The following ZNF536 variants were observed in gnomAD, a reference collection of about 807,000 sequenced individuals.
ZNF536 encodes zinc finger protein 536.
A neutral mutation model predicts 84.5 loss-of-function variants in ZNF536; 13 were observed. The ratio of observed to expected loss-of-function variants is 0.15; its 90% CI spans 0.10 to 0.24. The LOEUF is 0.24. Ranked by LOEUF, ZNF536 falls within the 10% of genes least tolerant of loss-of-function variation. ZNF536 has a pLI of 1.00. For synonymous variants in ZNF536, 811 were observed against 742.5 expected (o/e 1.09, Z -1.50); for missense variants, 1,536 against 1,747.5 (o/e 0.88, Z 2.16).
At chr19:30,604,244 C>T (rs2047793850) in intron 1 of ZNF536, among the ~76,000 whole-genome samples, 1 of 152,066 alleles carries the variant, frequency 6.6e-6, no homozygotes, top group Non-Finnish European at 1.5e-5. Flanking sequence ...TCTGTGAATA[C>T]ACATGGATGG....
chr19:30,626,363 T>A (rs961732078), intron 1 of ZNF536, among the ~76,000 whole-genome samples: 12 of 152,202 alleles, frequency 7.9e-5, no homozygotes, highest in African/African-American at 2.4e-4. Context: ...GGGGTTATTT[T>A]TTTTTTCTTT....
At chr19:30,654,502 G>T (rs148706263) in intron 1 of ZNF536, among the ~76,000 whole-genome samples, 1 of 151,732 alleles carries the variant, frequency 6.6e-6, no homozygotes, top group Non-Finnish European at 1.5e-5. Context: ...GTCAACATTC[G>T]TGGTTCCTAA....
chr19:30,407,772 G>T (rs1324794554), intron 1 of ZNF536, among the ~76,000 whole-genome samples: 3 of 152,180 alleles, frequency 2.0e-5, no homozygotes, highest in African/African-American at 7.2e-5. Context: ...TGAATTTAAT[G>T]TATTCTTCTG....
downstream of ZNF536, among the ~76,000 whole-genome samples, chr19:30,558,308 G>C (rs769663671): frequency 2.0e-5 from 3 of 152,168 alleles, no homozygotes; most frequent in Non-Finnish European, 2.9e-5. Flanking sequence ...GGGTGGGGGA[G>C]AGCCAGGCGA....
At chr19:30,665,135 G>C (rs937526083) in intron 1 of ZNF536, 3 of 152,264 alleles carry the variant, frequency 2.0e-5, no homozygotes, top group African/African-American at 7.2e-5. Context: ...CCTGAGGTCA[G>C]GACTTCGAAA....
upstream of ZNF536, among the ~76,000 whole-genome samples, chr19:30,371,067 C>T (rs1488472959): frequency 6.6e-6 from 1 of 152,184 alleles, no homozygotes; most frequent in Non-Finnish European, 1.5e-5. Context: ...TATGCATTTG[C>T]TTGGTTCAAG....
chr19:30,549,634 A>G (rs2045698863), intron 4 of ZNF536, 120 bp downstream of exon 4: 4 of 1,155,210 alleles, frequency 3.5e-6, no homozygotes, highest in African/African-American at 1.6e-5. Flanking sequence ...ATTTGAAAAA[A>G]CCCTCAATGC....
rs112144534 is a variant in ZNF536 at position 30,606,291 on chromosome 19, T to TAAAATAAAATAAAATA, written c.169+56780_169+56781insATAAAATAAAATAAAA. ...TAAAATAAAATAAAATAAAATAAAA[T>TAAAATAAAATAAAATA]AAATAAAATAAAATAAAATAAAATA... On this transcript the variant is annotated intron_variant, in intron 1 of 1. Transcript: ENST00000592773. Among the ~76,000 whole-genome samples the TAAAATAAAATAAAATA allele has an allele frequency of 1.4e-4, 8 of 55,740 alleles. No homozygotes were observed. The East Asian group carries it at 3.0e-3, about 21-fold the overall frequency. 36.6% of individuals were successfully genotyped at this position (55,740 alleles called of 152,430 possible).
At chr19:30,410,488 T>A (rs2050439032) in intron 1 of ZNF536, among the ~76,000 whole-genome samples, 4 of 128,136 alleles carry the variant, frequency 3.1e-5, no homozygotes, top group Admixed American at 3.1e-4. Flanking sequence ...TTTTTTTTTT[T>A]TTTTGAGACG....
rs116546012 is a variant in ZNF536 at position 30,417,931 on chromosome 19, T to C, written c.-2-25630T>C. On this transcript the variant is annotated intron_variant, in intron 1 of 4. Transcript: ENST00000355537. ...GCCCAGCAATTTTTTTTTCTATTAG[T>C]AGAGACAAGCTCTTGCTATGTTGCC... 2.4e-3 allele frequency among the ~76,000 whole-genome samples: 365 copies of C among 152,254 alleles called. 1 individual carries two copies. Among genetic ancestry groups the C allele is most frequent in the African/African-American group, 8.4e-3 (347 of 41,552 alleles).
chr19:30,368,938 CTTT>C (rs2048524423), upstream of ZNF536, among the ~76,000 whole-genome samples: 2 of 152,202 alleles, frequency 1.3e-5, no homozygotes, highest in African/African-American at 4.8e-5. Flanking sequence ...AAAACTCATT[CTTT>C]ATACCAGCTT....
intron 2 of ZNF536, among the ~76,000 whole-genome samples, chr19:30,452,697 G>T (rs1040542547): frequency 2.6e-5 from 4 of 152,166 alleles, no homozygotes; most frequent in Non-Finnish European, 5.9e-5. Flanking sequence ...AGCATTGATG[G>T]CAGGGGTGGA....
At chr19:30,443,424 T>C in intron 1 of ZNF536, 137 bp from the exon 2 acceptor site, 1 of 1,296,080 alleles carries the variant, frequency 7.7e-7, no homozygotes, top group Non-Finnish European at 1.0e-6. Context: ...TTTTTTATTA[T>C]TGTTTTTGAC....
At chr19:30,515,373 T>C (rs1281832380) in intron 2 of ZNF536, among the ~76,000 whole-genome samples, 2 of 152,236 alleles carry the variant, frequency 1.3e-5, no homozygotes, top group African/African-American at 4.8e-5. Context: ...TGTTAACTGC[T>C]ATTGAAGTAG....
chr19:30,571,643 A>G (rs911644923), intron 1 of ZNF536, among the ~76,000 whole-genome samples: 3 of 152,056 alleles, frequency 2.0e-5, no homozygotes, highest in African/African-American at 7.2e-5. Context: ...TTCCAGGCCC[A>G]CTTCCTGCTC....
chr19:30,413,492 G>A (rs961426418), intron 1 of ZNF536, among the ~76,000 whole-genome samples: 1 of 152,074 alleles, frequency 6.6e-6, no homozygotes, highest in Non-Finnish European at 1.5e-5. Context: ...CTTTATTCAG[G>A]TATTTTTGAA....
At chr19:30,232,517 C>T (rs2023144942) in intron 1 of ZNF536, among the ~76,000 whole-genome samples, 2 of 152,010 alleles carry the variant, frequency 1.3e-5, no homozygotes, top group East Asian at 1.9e-4. Context: ...TCCACTTATA[C>T]ATGAGAACAT....
chr19:30,309,551 A>G (rs904489327), intron 2 of ZNF536, among the ~76,000 whole-genome samples: 1 of 152,188 alleles, frequency 6.6e-6, no homozygotes, highest in Admixed American at 6.6e-5. Context: ...TCCCTCTGCT[A>G]CTTGTGTGCT....
At chr19:30,384,690 G>A (rs2049266528) in intron 1 of ZNF536, among the ~76,000 whole-genome samples, 1 of 152,054 alleles carries the variant, frequency 6.6e-6, no homozygotes, top group Non-Finnish European at 1.5e-5. Flanking sequence ...AGGGTTGAGA[G>A]AGGAGGAATG....
Sources: gnomAD v4.1 joint callset for allele counts (sites outside exome capture counted in the v4.1 genomes callset) on GRCh38, gnomAD v4.1.1 for gene constraint, MANE v1.5 for transcripts, NCBI Gene and HGNC (gene_info 2026-07-23, HGNC 2026-07-21) for gene names.